Variants in ADAM22 observed in about 807,000 individuals in gnomAD.
ADAM22 encodes ADAM metallopeptidase domain 22.
In ADAM22, 65 loss-of-function variants were observed where a neutral mutation model predicts 144.6. The observed-to-expected ratio is 0.45, with a 90% CI of 0.37 to 0.55. The LOEUF (loss-of-function observed/expected upper bound fraction) is 0.55. Among genes scored for constraint, ADAM22 ranks in the 20% least tolerant of loss-of-function variants. ADAM22 has a pLI of 0.00. For missense variants in ADAM22, 974 were observed against 1,184.9 expected (o/e 0.82, Z 2.61); for synonymous variants, 391 against 412.6 (o/e 0.95, Z 0.63).
At chr7:88,144,140 G>A (rs562917739) in intron 15 of ADAM22, among the ~76,000 whole-genome samples, 32 of 152,162 alleles carry the variant, frequency 2.1e-4, no homozygotes, top group Admixed American at 4.6e-4. Flanking sequence ...AGTGGGTTTT[G>A]TTGTTGTTGT....
At chr7:87,941,184 T>C (rs1328216595) in intron 2 of ADAM22, among the ~76,000 whole-genome samples, 1 of 152,210 alleles carries the variant, frequency 6.6e-6, no homozygotes, top group East Asian at 1.9e-4. Context: ...TCTGGCTCTT[T>C]CCCTAGGAAG....
chr7:88,031,482 G>A (rs1021597775), intron 3 of ADAM22, among the ~76,000 whole-genome samples: 2 of 152,216 alleles, frequency 1.3e-5, no homozygotes, highest in African/African-American at 4.8e-5. Flanking sequence ...CTCTTGCTTT[G>A]CTTTAGCAGA....
At chr7:88,024,944 T>C (rs1004382243) in intron 3 of ADAM22, among the ~76,000 whole-genome samples, 1 of 152,146 alleles carries the variant, frequency 6.6e-6, no homozygotes, top group Admixed American at 6.5e-5. Context: ...CTTAATCCAG[T>C]CTATCATTGT....
At chr7:88,025,844 A>C (rs976611459) in intron 3 of ADAM22, among the ~76,000 whole-genome samples, 5 of 152,156 alleles carry the variant, frequency 3.3e-5, no homozygotes, top group African/African-American at 1.2e-4. Flanking sequence ...AATTTTGGCT[A>C]TTCAGGGTCT....
rs1836085406 is a variant in ADAM22, at chr7:88,145,396, A to T, written c.1393-19A>T. On this transcript the variant is annotated intron_variant, in intron 16 of 31. Coordinates refer to ENST00000413139, the MANE Select transcript of ADAM22 (RefSeq NM_001324418.2). ...GTGACACCGTTTTCTGATGTTTTGA[A>T]AATGTTTATATTCCTTAGGAATGTG... 2 of 1,597,214 alleles carry T rather than the reference A, an allele frequency of 1.3e-6. No individual in the cohort carries two copies. The highest frequency in any genetic ancestry group is 8.5e-7 in the Non-Finnish European group (1 of 1,170,750).
At chr7:88,169,107 A>T (rs1233673330) in intron 25 of ADAM22, among the ~76,000 whole-genome samples, 1 of 152,116 alleles carries the variant, frequency 6.6e-6, no homozygotes, top group African/African-American at 2.4e-5. Flanking sequence ...AACCAATTGC[A>T]CCAAAGGAAA....
intron 4 of ADAM22, among the ~76,000 whole-genome samples, chr7:88,105,940 A>G (rs753259446): frequency 2.2e-4 from 33 of 152,208 alleles, no homozygotes; most frequent in Non-Finnish European, 3.2e-4. Context: ...CTTTATGTCT[A>G]TTAGCTCATG....
chr7:88,171,516 C>T, intron 25 of ADAM22, 28 bp from the exon 26 acceptor site: 1 of 1,580,846 alleles, frequency 6.3e-7, no homozygotes, highest in African/African-American at 1.4e-5. Flanking sequence ...TTATGTTTTT[C>T]CCTCTTTCTC....
chr7:88,072,153 A>C (rs1396723432), intron 3 of ADAM22, among the ~76,000 whole-genome samples: 1 of 152,174 alleles, frequency 6.6e-6, no homozygotes, highest in Non-Finnish European at 1.5e-5. Flanking sequence ...AAACAAACAA[A>C]ACCAAATTGC....
Position 88,182,907 on chromosome 7 carries a change from T to G in ADAM22, c.2663+883T>G, listed in dbSNP as rs765240529. Among the ~76,000 whole-genome samples the G allele has an allele frequency of 1.8e-4, 28 of 152,216 alleles. No homozygotes were observed. The South Asian group carries it at 2.1e-3, about 11-fold the overall frequency. On this transcript the variant is annotated intron_variant, in intron 29 of 31. Transcript: ENST00000413139. ...CTAGCGATAGTTATTATTTCCAGGATCTCTATTGCTTCTTCATGCCTTAAT... is the reference window on the plus strand; with the variant it reads ...CTAGCGATAGTTATTATTTCCAGGAGCTCTATTGCTTCTTCATGCCTTAAT...
At chr7:88,165,259 A>G (rs1418732889) in intron 23 of ADAM22, among the ~76,000 whole-genome samples, 2 of 152,022 alleles carry the variant, frequency 1.3e-5, no homozygotes, top group East Asian at 3.9e-4. Context: ...TCTTTTTTCT[A>G]TACTCAATTC....
chr7:88,042,014 TTTG>T (rs1448159162), intron 3 of ADAM22, among the ~76,000 whole-genome samples: 1 of 152,060 alleles, frequency 6.6e-6, no homozygotes, highest in African/African-American at 2.4e-5. Flanking sequence ...AATATAGAGA[TTTG>T]TTGTTAATTG....
chr7:88,033,610 C>T (rs1462654581), intron 3 of ADAM22, among the ~76,000 whole-genome samples: 4 of 152,202 alleles, frequency 2.6e-5, no homozygotes, highest in Non-Finnish European at 5.9e-5. Flanking sequence ...GCAAAGCCAG[C>T]CAGGCCTTTG....
intron 6 of ADAM22, among the ~76,000 whole-genome samples, chr7:88,115,986 C>T (rs1827661897): frequency 1.3e-5 from 2 of 152,208 alleles, no homozygotes; most frequent in Non-Finnish European, 2.9e-5. Context: ...CACAACATTG[C>T]TTAAGCAGAG....
intron 20 of ADAM22, 70 bp downstream of exon 20, chr7:88,151,390 C>A: frequency 6.4e-7 from 1 of 1,564,424 alleles, no homozygotes; most frequent in Non-Finnish European, 8.8e-7. Flanking sequence ...GACGTGTGTG[C>A]TGGAAGTAAA....
intron 2 of ADAM22, among the ~76,000 whole-genome samples, chr7:87,966,026 A>G (rs559826910): frequency 3.3e-5 from 5 of 152,322 alleles, no homozygotes; most frequent in African/African-American, 1.2e-4. Flanking sequence ...CCATAAACAA[A>G]AATGTTGTGT....
intron 3 of ADAM22, among the ~76,000 whole-genome samples, chr7:88,038,064 G>A (rs908766716): frequency 6.6e-6 from 1 of 152,152 alleles, no homozygotes; most frequent in South Asian, 2.1e-4. Flanking sequence ...TAAGTGTTGG[G>A]AAACCAGACA....
At chr7:88,055,907 C>G (rs1442088398) in intron 3 of ADAM22, among the ~76,000 whole-genome samples, 1 of 152,110 alleles carries the variant, frequency 6.6e-6, no homozygotes, top group Non-Finnish European at 1.5e-5. Context: ...TATCTTCAAC[C>G]CCTATCATGA....
intron 2 of ADAM22, among the ~76,000 whole-genome samples, chr7:87,973,971 A>C (rs1471039917): frequency 1.3e-5 from 2 of 152,078 alleles, no homozygotes; most frequent in African/African-American, 4.8e-5. Context: ...TAGCATTAGG[A>C]GATATACCTA....
Sources: gnomAD v4.1 joint callset for allele counts (sites outside exome capture counted in the v4.1 genomes callset) on GRCh38, gnomAD v4.1.1 for gene constraint, MANE v1.5 for transcripts, NCBI Gene and HGNC (gene_info 2026-07-23, HGNC 2026-07-21) for gene names.